Variants in CDYL2 observed in about 807,000 individuals in gnomAD.
The protein encoded by CDYL2 is chromodomain Y like 2.
A neutral mutation model predicts 49.4 loss-of-function variants in CDYL2; 23 were observed. The ratio of observed to expected loss-of-function variants is 0.47; its 90% CI spans 0.34 to 0.66. CDYL2 has a LOEUF of 0.66. Ranked by LOEUF, CDYL2 falls within the 30% of genes least tolerant of loss-of-function variation. The pLI, the probability that CDYL2 is intolerant of heterozygous loss-of-function variation, is 0.01. For synonymous variants in CDYL2, 360 were observed against 268.8 expected (o/e 1.34, Z -3.32); for missense variants, 678 against 656.4 (o/e 1.03, Z -0.36).
intron 2 of CDYL2, among the ~76,000 whole-genome samples, chr16:80,634,416 T>A (rs1356679130): frequency 6.6e-6 from 1 of 152,200 alleles, no homozygotes; most frequent in Non-Finnish European, 1.5e-5. Context: ...AAACACCGCA[T>A]GTTCTCACAC....
At chr16:80,768,153 G>C (rs1358986530) in intron 1 of CDYL2, among the ~76,000 whole-genome samples, 1 of 152,144 alleles carries the variant, frequency 6.6e-6, no homozygotes, top group Non-Finnish European at 1.5e-5. Context: ...CACAGCCCAT[G>C]TTCTTAGTAA....
intron 1 of CDYL2, among the ~76,000 whole-genome samples, chr16:80,770,605 T>C (rs1399674351): frequency 6.6e-6 from 1 of 152,060 alleles, no homozygotes; most frequent in African/African-American, 2.4e-5. Context: ...AAACAATAAA[T>C]TCAAAAATGG....
intron 1 of CDYL2, among the ~76,000 whole-genome samples, chr16:80,713,427 C>T (rs894698361): frequency 2.6e-5 from 4 of 152,144 alleles, no homozygotes; most frequent in African/African-American, 9.7e-5. Flanking sequence ...TTCAGATGCA[C>T]TGTCACCACA....
Position 80,661,092 on chromosome 16 carries a change from G to C in CDYL2, c.616+23446C>G, listed in dbSNP as rs543612167. On this transcript the variant is annotated intron_variant, in intron 2 of 6. Coordinates refer to ENST00000570137, the MANE Select transcript of CDYL2 (RefSeq NM_152342.4). The stretch of plus-strand genomic sequence containing the variant: ...TCAGAAAACACAGCCACTCCTGGCA[G>C]GGCACAGGAACCATGTCCAAGTTCT... Among the ~76,000 whole-genome samples, 5 of 152,284 alleles carry C rather than the reference G, an allele frequency of 3.3e-5. No homozygotes were observed. In the East Asian group the frequency reaches 7.7e-4, roughly 24 times the overall value.
intron 1 of CDYL2, among the ~76,000 whole-genome samples, chr16:80,797,517 T>C (rs551169012): frequency 1.3e-5 from 2 of 152,334 alleles, no homozygotes; most frequent in Admixed American, 1.3e-4. Flanking sequence ...TCCAGACAGC[T>C]GTTTATGGAG....
chr16:80,624,924 T>C, intron 3 of CDYL2, among the ~76,000 whole-genome samples: 1 of 152,032 alleles, frequency 6.6e-6, no homozygotes, highest in Non-Finnish European at 1.5e-5. Flanking sequence ...ATGGAAAATA[T>C]AACGGAGAGA....
intron 1 of CDYL2, among the ~76,000 whole-genome samples, chr16:80,692,069 T>C (rs927556311): frequency 3.9e-5 from 6 of 151,998 alleles, no homozygotes; most frequent in Admixed American, 2.0e-4. Context: ...GAAGAGTTAA[T>C]AGAGATCCAC....
At chr16:80,760,151 T>C (rs533952392) in intron 1 of CDYL2, among the ~76,000 whole-genome samples, 2 of 152,342 alleles carry the variant, frequency 1.3e-5, no homozygotes, top group South Asian at 4.1e-4. Flanking sequence ...CATGACGATA[T>C]TATCCAACTT....
chr16:80,731,992 A>G (rs1905343026), intron 1 of CDYL2, among the ~76,000 whole-genome samples: 2 of 151,936 alleles, frequency 1.3e-5, no homozygotes, highest in South Asian at 2.1e-4. Context: ...GGCCGCAAGG[A>G]AAGTCAGCAC....
rs1450476976 is a variant in CDYL2 at position 80,598,295 on chromosome 16, G to A, written c.*6093C>T. On this transcript the variant is annotated 3_prime_UTR_variant, in exon 7 of 7. Transcript: ENST00000570137. ...GGATTTTGGTGTATGCTACATCCAT[G>A]ATCAAATCCAAACACTCCTAGGGTG... 2 of 152,046 alleles carry A rather than the reference G, an allele frequency of 1.3e-5. No individual in the cohort carries two copies. Among genetic ancestry groups the A allele is most frequent in the African/African-American group, 4.8e-5 (2 of 41,396 alleles). 9.4% of individuals were successfully genotyped at this position (152,046 alleles called of 1,614,324 possible). A position where few individuals can be genotyped will look rare whatever the true frequency, so the allele number is the denominator to read the frequency against.
chr16:80,703,935 C>T (rs1269850987), intron 1 of CDYL2, among the ~76,000 whole-genome samples: 1 of 152,132 alleles, frequency 6.6e-6, no homozygotes, highest in African/African-American at 2.4e-5. Context: ...AGGGTGGGTG[C>T]GCCCATCACC....
chr16:80,678,367 C>T (rs1481809039), intron 2 of CDYL2, among the ~76,000 whole-genome samples: 1 of 152,128 alleles, frequency 6.6e-6, no homozygotes, highest in Non-Finnish European at 1.5e-5. Flanking sequence ...ACTCATCTGA[C>T]AAAGGGCTAA....
At chr16:80,787,931 A>C (rs1907489557) in intron 1 of CDYL2, among the ~76,000 whole-genome samples, 1 of 152,170 alleles carries the variant, frequency 6.6e-6, no homozygotes, top group East Asian at 1.9e-4. Flanking sequence ...ACCCATAGGA[A>C]GTCTAGGCAT....
chr16:80,632,890 T>A, intron 3 of CDYL2, 129 bp downstream of exon 3: 2 of 835,354 alleles, frequency 2.4e-6, no homozygotes, highest in Non-Finnish European at 3.8e-6. Context: ...CGCGCTGCAG[T>A]CAAGTTTTTA....
chr16:80,696,517 G>A (rs1329338596), intron 1 of CDYL2, among the ~76,000 whole-genome samples: 1 of 151,686 alleles, frequency 6.6e-6, no homozygotes. Flanking sequence ...AAACAAAAAA[G>A]AAGACATTAC....
chr16:80,785,612 C>A (rs1271532176), intron 1 of CDYL2, among the ~76,000 whole-genome samples: 3 of 152,176 alleles, frequency 2.0e-5, no homozygotes, highest in Admixed American at 6.6e-5. Context: ...GAAAAAACTA[C>A]TTTAAACTTC....
At chr16:80,803,571 C>A (rs1212126189) in intron 1 of CDYL2, among the ~76,000 whole-genome samples, 1 of 150,938 alleles carries the variant, frequency 6.6e-6, no homozygotes, top group Non-Finnish European at 1.5e-5. Context: ...AGCGGTTTGG[C>A]GGTTGTCCCC....
chr16:80,762,557 G>A (rs1369313815), intron 1 of CDYL2, among the ~76,000 whole-genome samples: 1 of 152,156 alleles, frequency 6.6e-6, no homozygotes, highest in Non-Finnish European at 1.5e-5. Flanking sequence ...GCCACTGCTT[G>A]GAAAAGTTGC....
At chr16:80,746,531 C>A (rs1905937174) in intron 1 of CDYL2, among the ~76,000 whole-genome samples, 3 of 152,204 alleles carry the variant, frequency 2.0e-5, no homozygotes, top group Admixed American at 6.5e-5. Flanking sequence ...TAAATCAGTA[C>A]TGAAGACAGG....
Sources: gnomAD v4.1 joint callset for allele counts (sites outside exome capture counted in the v4.1 genomes callset) on GRCh38, gnomAD v4.1.1 for gene constraint, MANE v1.5 for transcripts, NCBI Gene and HGNC (gene_info 2026-07-23, HGNC 2026-07-21) for gene names.